VIPR2: variants seen among roughly 807,000 people sequenced by gnomAD.
VIPR2 encodes the protein vasoactive intestinal peptide receptor 2.
VIPR2 carries 48 observed loss-of-function variants against 58.0 expected under a neutral mutation model. The ratio of observed to expected loss-of-function variants is 0.83; its 90% CI spans 0.66 to 1.05. The LOEUF is 1.05. Among genes scored for constraint, VIPR2 ranks in the 50% least tolerant of loss-of-function variants. The probability of loss-of-function intolerance (pLI) is 0.00; values close to 1 mark genes in which losing one functional copy is unlikely to be tolerated. For missense variants in VIPR2, 534 were observed against 558.0 expected, an observed-to-expected ratio of 0.96 and a Z score of 0.43; for synonymous variants, 243 against 235.2, an observed-to-expected ratio of 1.03 and a Z score of -0.30.
At chr7:159,045,887 T>TATCATATATA in intron 5 of VIPR2, among the ~76,000 whole-genome samples, 1 of 148,698 alleles carries the variant, frequency 6.7e-6, no homozygotes, top group Admixed American at 6.8e-5. Flanking sequence ...AGGATTAGTA[T>TATCATATATA]CTAAAATATA....
intron 4 of VIPR2, among the ~76,000 whole-genome samples, chr7:159,087,139 G>C (rs1297078865): frequency 2.7e-5 from 4 of 150,242 alleles, no homozygotes; most frequent in African/African-American, 9.8e-5. Flanking sequence ...CCAGGACTCG[G>C]ATAGTGAGAT....
In VIPR2 at chr7:159,031,907, C is replaced by T. The variant is rs769960776; in HGVS notation, c.1101+31G>A. ...GAGATGGTCAGGCAGGACCCGCGCT[C>T]GGGGGAGGGCGGCCGCCTCCGCACA... On this transcript the variant is annotated intron_variant, in intron 11 of 12. Transcript: ENST00000262178. This position sits in a 1 kb window ranked among gnomAD's most constrained non-coding sequence, Gnocchi z 4.0. 5.6e-6 allele frequency: 9 copies of T among 1,614,076 alleles called. No homozygotes were observed. The highest frequency in any genetic ancestry group is 7.6e-6 in the Non-Finnish European group (9 of 1,180,052).
At chr7:159,140,270 G>T (rs774452131) in intron 2 of VIPR2, among the ~76,000 whole-genome samples, 2 of 152,038 alleles carry the variant, frequency 1.3e-5, no homozygotes, top group Non-Finnish European at 2.9e-5. Flanking sequence ...CTCACCTGGC[G>T]TCAGGTGCAA....
At chr7:159,056,986 T>C (rs1412509159) in intron 5 of VIPR2, among the ~76,000 whole-genome samples, 1 of 152,164 alleles carries the variant, frequency 6.6e-6, no homozygotes, top group Non-Finnish European at 1.5e-5. Context: ...GAATGATGCC[T>C]ACAGATGGAG....
intron 2 of VIPR2, among the ~76,000 whole-genome samples, chr7:159,112,744 C>T (rs1467359377): frequency 1.0e-5 from 1 of 99,840 alleles, no homozygotes; most frequent in Non-Finnish European, 2.1e-5. Flanking sequence ...TACCTGGGAC[C>T]GACCCTGACT....
At chr7:159,101,048 G>A (rs1196252399) in intron 4 of VIPR2, among the ~76,000 whole-genome samples, 1 of 142,968 alleles carries the variant, frequency 7.0e-6, no homozygotes, top group Non-Finnish European at 1.5e-5. Context: ...CACGAGATCC[G>A]ACAAGGCCGT....
chr7:159,058,105 A>G (rs1440571174), intron 5 of VIPR2, among the ~76,000 whole-genome samples: 1 of 152,166 alleles, frequency 6.6e-6, no homozygotes, highest in Non-Finnish European at 1.5e-5. Flanking sequence ...GCCTGACTCC[A>G]CCTTCATGCT....
chr7:159,144,439 G>T (rs1289672142), intron 1 of VIPR2: 2 of 1,547,250 alleles, frequency 1.3e-6, no homozygotes, highest in Non-Finnish European at 1.7e-6. Context: ...ACGCGTCCAG[G>T]AAGAAACGAT....
Position 159,099,386 on chromosome 7 carries a change from C to T in VIPR2, c.357+4371G>A, listed in dbSNP as rs753607853. On this transcript the variant is annotated intron_variant, in intron 4 of 12. Transcript: ENST00000262178. This position sits in a 1 kb window ranked among gnomAD's most constrained non-coding sequence, Gnocchi z 4.2. ...CCAGTGGACCCAGAAGAGCTTGCCA[C>T]GTGTCCCTGGGATGCCTCACAGGGT... is the stretch of plus-strand genomic sequence containing the variant. Among the ~76,000 whole-genome samples, 18 of 152,268 alleles carry T rather than the reference C, an allele frequency of 1.2e-4. No homozygotes were observed. Among genetic ancestry groups the T allele is most frequent in the African/African-American group, 3.6e-4 (15 of 41,564 alleles).
At chr7:159,085,716 G>GT (rs113222672) in intron 4 of VIPR2, among the ~76,000 whole-genome samples, 4,208 of 149,066 alleles carry the variant, frequency 0.028, 95 homozygotes, top group Admixed American at 0.055. Context: ...TTTTGTTTCA[G>GT]TTTTTTTTTT....
At position 159,132,886 on chromosome 7, in the gene VIPR2, T is replaced by C. The variant is rs376096288; in HGVS notation, c.151+9560A>G. On this transcript the variant is annotated intron_variant, in intron 2 of 12. Transcript: ENST00000262178. Reference sequence around the variant, plus strand: ...TTAGACAGAATGATTGGCATACAGATTGATTTCAGACAGAATGATTGGCAT... The same window carrying C: ...TTAGACAGAATGATTGGCATACAGACTGATTTCAGACAGAATGATTGGCAT... Among the ~76,000 whole-genome samples, 490 of 70,584 alleles carry C rather than the reference T, an allele frequency of 6.9e-3. 6 individuals are homozygous for C. The highest frequency in any genetic ancestry group is 0.016 in the African/African-American group (259 of 16,238). The allele number at this position is 70,584 out of a possible 152,430, so 46.3% of individuals were successfully genotyped here. A position where few individuals can be genotyped will look rare whatever the true frequency, so the allele number is the denominator to read the frequency against.
chr7:159,103,532 C>T (rs969581666), intron 4 of VIPR2, among the ~76,000 whole-genome samples: 5 of 152,174 alleles, frequency 3.3e-5, no homozygotes, highest in African/African-American at 7.2e-5. Flanking sequence ...TCAAGAAAAC[C>T]GGCCTTTCCC....
At chr7:159,041,726 C>T (rs1335032827) in intron 6 of VIPR2, among the ~76,000 whole-genome samples, 6 of 151,200 alleles carry the variant, frequency 4.0e-5, no homozygotes, top group Non-Finnish European at 7.4e-5. Flanking sequence ...GTCATGGGTC[C>T]GTTGAGGGTC....
chr7:159,062,182 C>T (rs2730267), intron 4 of VIPR2, among the ~76,000 whole-genome samples: 91,735 of 151,882 alleles, frequency 0.6, 28,948 homozygotes, highest in East Asian at 0.78. Context: ...GGGAGAAAAA[C>T]AGGGCAAGGA....
At position 159,096,920 on chromosome 7, in the gene VIPR2, G is replaced by T. The variant is rs943498401; in HGVS notation, c.357+6837C>A. The stretch of plus-strand genomic sequence containing the variant: ...GCTGTCCCCGTTCCCATCACTCGAT[G>T]AGCCAATGCCCTCGTGGCTGGCATT... On this transcript the variant is annotated intron_variant, in intron 4 of 12. Coordinates refer to ENST00000262178, the MANE Select transcript of VIPR2 (RefSeq NM_003382.5). This position sits in a 1 kb window ranked among gnomAD's most constrained non-coding sequence, Gnocchi z 5.5. 1.3e-6 allele frequency: 2 copies of T among 1,550,784 alleles called. No homozygotes were observed. Among genetic ancestry groups the T allele is most frequent in the Non-Finnish European group, 1.7e-6 (2 of 1,147,100 alleles).
intron 2 of VIPR2, among the ~76,000 whole-genome samples, chr7:159,130,932 G>A (rs1020540666): frequency 1.3e-5 from 2 of 152,146 alleles, no homozygotes; most frequent in African/African-American, 4.8e-5. Context: ...CACTACAAAC[G>A]GCAGGATACT....
chr7:159,137,628 C>A (rs1189578284), intron 2 of VIPR2, among the ~76,000 whole-genome samples: 2 of 152,198 alleles, frequency 1.3e-5, no homozygotes, highest in Admixed American at 1.3e-4. Context: ...GCCTCGATCT[C>A]CCAAAGTGCT....
intron 4 of VIPR2, among the ~76,000 whole-genome samples, chr7:159,077,978 C>T (rs560543115): frequency 6.6e-6 from 1 of 152,200 alleles, no homozygotes; most frequent in Non-Finnish European, 1.5e-5. Flanking sequence ...AATAAAACTG[C>T]CCTTTCCCTC....
At chr7:159,063,736 G>GCCTGGCGGGATCTGGGGGA (rs1305099675) in intron 4 of VIPR2, among the ~76,000 whole-genome samples, 24 of 132,200 alleles carry the variant, frequency 1.8e-4, no homozygotes, top group African/African-American at 6.8e-4. Context: ...GGGTCGGAGG[G>GCCTGGCGGGATCTGGGGGA]CCTGGCGGGA....
Sources: gnomAD v4.1 joint callset for allele counts (sites outside exome capture counted in the v4.1 genomes callset) on GRCh38, gnomAD v4.1.1 for gene constraint, Gnocchi (gnomAD v3.1) non-coding constraint, MANE v1.5 for transcripts, NCBI Gene and HGNC (gene_info 2026-07-23, HGNC 2026-07-21) for gene names.